The following VAV2 variants were observed in gnomAD, a reference collection of about 807,000 sequenced individuals.
The protein encoded by VAV2 is vav guanine nucleotide exchange factor 2, also known as guanine nucleotide exchange factor VAV2.
Under a neutral mutation model 132.5 loss-of-function variants are expected in VAV2, and 67 were observed. The ratio of observed to expected loss-of-function variants is 0.51; its 90% CI spans 0.42 to 0.62. The LOEUF is 0.62. Among genes scored for constraint, VAV2 ranks in the 20% least tolerant of loss-of-function variants. VAV2 has a pLI of 0.00. For missense variants in VAV2, 938 were observed against 1,153.6 expected (o/e 0.81, Z 2.71); for synonymous variants, 492 against 443.5 (o/e 1.11, Z -1.37).
chr9:133,988,229 A>T (rs1179451510), intron 1 of VAV2, among the ~76,000 whole-genome samples: 1 of 145,316 alleles, frequency 6.9e-6, no homozygotes, highest in Non-Finnish European at 1.5e-5. Flanking sequence ...ACAGGCACCC[A>T]CCCCCCACCC....
At chr9:133,983,973 T>C (rs1162840143) in intron 1 of VAV2, among the ~76,000 whole-genome samples, 1 of 152,106 alleles carries the variant, frequency 6.6e-6, no homozygotes, top group Non-Finnish European at 1.5e-5. Context: ...TTCTGTGAGT[T>C]TTTTGTTTTT....
chr9:133,841,349 A>T (rs953016531), intron 3 of VAV2, among the ~76,000 whole-genome samples: 7 of 151,716 alleles, frequency 4.6e-5, no homozygotes, highest in Non-Finnish European at 7.4e-5. Context: ...GGGCCTGGTG[A>T]CCCCATGTGG....
At chr9:133,886,248 G>A (rs1031465473) in intron 2 of VAV2, among the ~76,000 whole-genome samples, 2 of 152,216 alleles carry the variant, frequency 1.3e-5, no homozygotes, top group Non-Finnish European at 2.9e-5. Flanking sequence ...AATAGCACAT[G>A]AGGGGCTGGG....
intron 4 of VAV2, among the ~76,000 whole-genome samples, chr9:133,820,577 G>A (rs1314144902): frequency 7.2e-5 from 11 of 152,070 alleles, no homozygotes; most frequent in African/African-American, 2.7e-4. Context: ...CGCCCGCCTC[G>A]GCCTCCCAAA....
Position 133,834,285 on chromosome 9 carries a change from C to A in VAV2, c.436G>T (p.Glu146Ter). ...ENDDDVYRSL[E>*]ELADEHDLGE... ...CCCCCGCCTTACTCGGCCAGCTCCT[C>A]CAGGCTGCGGTAGACGTCATCGTCA... is the stretch of plus-strand genomic sequence containing the variant. Residue 146 changes from glutamate (E) to a stop codon, truncating the protein, a stop_gained, in exon 4 of 30, where the codon GAG becomes TAG. Coordinates refer to ENST00000371850, the MANE Select transcript of VAV2 (RefSeq NM_001134398.2). LOFTEE classifies it high-confidence loss of function. The surrounding 1 kb of genome is among the most constrained non-coding windows in gnomAD (Gnocchi z 5.9). 1 of 1,611,970 alleles carries A rather than the reference C, an allele frequency of 6.2e-7. No homozygotes were observed. The highest frequency in any genetic ancestry group is 8.5e-7 in the Non-Finnish European group (1 of 1,179,120).
At chr9:133,916,805 T>C (rs1840107874) in intron 2 of VAV2, among the ~76,000 whole-genome samples, 1 of 28,596 alleles carries the variant, frequency 3.5e-5, no homozygotes, top group Non-Finnish European at 1.6e-3. Context: ...ATGTTGGGAC[T>C]GTTTAGGTCA....
chr9:133,897,398 C>T (rs1040345692), intron 2 of VAV2, among the ~76,000 whole-genome samples: 4 of 152,170 alleles, frequency 2.6e-5, no homozygotes, highest in African/African-American at 9.7e-5. Flanking sequence ...TGCTCTGCCC[C>T]CCTGTAACCC....
Position 133,763,885 on chromosome 9 carries a change from A to T in VAV2, c.*177T>A. On this transcript the variant is annotated 3_prime_UTR_variant, in exon 30 of 30. Coordinates refer to ENST00000371850, the MANE Select transcript of VAV2 (RefSeq NM_001134398.2). The surrounding 1 kb of genome is among the most constrained non-coding windows in gnomAD (Gnocchi z 6.8). ...TACCCAGTGATGGGTCGCCGAGGGC[A>T]GGCTGACAGTGAAACGGTTCGAGTT... The T allele has an allele frequency of 1.4e-6, 1 of 731,758 alleles. No individual in the cohort carries two copies. The highest frequency in any genetic ancestry group is 2.3e-6 in the Non-Finnish European group (1 of 440,268). 45.3% of individuals were successfully genotyped at this position (731,758 alleles called of 1,614,324 possible). A position where few individuals can be genotyped will look rare whatever the true frequency, so the allele number is the denominator to read the frequency against.
At chr9:133,943,367 G>T (rs949784988) in intron 1 of VAV2, among the ~76,000 whole-genome samples, 1 of 152,206 alleles carries the variant, frequency 6.6e-6, no homozygotes, top group Non-Finnish European at 1.5e-5. Flanking sequence ...GGCAAAGGGA[G>T]GCCCAGATGG....
At chr9:133,983,699 A>G (rs7018770) in intron 1 of VAV2, among the ~76,000 whole-genome samples, 28,181 of 151,752 alleles carry the variant, frequency 0.19, 3,059 homozygotes, top group African/African-American at 0.3. Flanking sequence ...GGTCCTTCCT[A>G]CTGACCCCAG....
chr9:133,924,520 A>C (rs770233581), intron 2 of VAV2, among the ~76,000 whole-genome samples: 5 of 152,212 alleles, frequency 3.3e-5, no homozygotes, highest in Non-Finnish European at 5.9e-5. Context: ...TAACAATAGC[A>C]GTAATCACAA....
intron 4 of VAV2, among the ~76,000 whole-genome samples, chr9:133,818,340 T>C (rs1422375342): frequency 1.4e-5 from 2 of 138,776 alleles, no homozygotes; most frequent in Non-Finnish European, 3.1e-5. Flanking sequence ...CACTCCAGCC[T>C]GGGTGACAAA....
intron 1 of VAV2, among the ~76,000 whole-genome samples, chr9:133,940,484 C>T (rs1841098033): frequency 6.6e-6 from 1 of 152,130 alleles, no homozygotes. Flanking sequence ...CTGAGAACGC[C>T]CTGGGAGCGG....
intron 1 of VAV2, among the ~76,000 whole-genome samples, chr9:133,959,317 C>T (rs958328558): frequency 2.0e-5 from 3 of 152,170 alleles, no homozygotes; most frequent in Non-Finnish European, 4.4e-5. Flanking sequence ...AGGCCCTGCA[C>T]CCCGACCCAC....
intron 3 of VAV2, among the ~76,000 whole-genome samples, chr9:133,856,229 G>A (rs1044696301): frequency 6.6e-6 from 1 of 152,242 alleles, no homozygotes; most frequent in African/African-American, 2.4e-5. Context: ...ACAACATGGT[G>A]AAAGTACTAA....
At chr9:133,837,000 G>A (rs532718569) in intron 3 of VAV2, among the ~76,000 whole-genome samples, 8 of 152,320 alleles carry the variant, frequency 5.3e-5, no homozygotes, top group African/African-American at 1.2e-4. Flanking sequence ...AGCTGAGCCC[G>A]GGGCAGCGAA....
chr9:133,910,353 C>T (rs56325391), intron 2 of VAV2, among the ~76,000 whole-genome samples: 30,712 of 152,036 alleles, frequency 0.2, 3,528 homozygotes, highest in African/African-American at 0.29. Flanking sequence ...GTCAAGCCTA[C>T]TCTAACTGGC....
intron 2 of VAV2, among the ~76,000 whole-genome samples, chr9:133,893,584 A>C (rs1238920731): frequency 6.6e-6 from 1 of 152,242 alleles, no homozygotes; most frequent in South Asian, 2.1e-4. Context: ...GGCCAGCTCC[A>C]AAGGTCACCT....
chr9:133,940,684 T>TGC (rs1199570636), intron 1 of VAV2, among the ~76,000 whole-genome samples: 2 of 127,994 alleles, frequency 1.6e-5, no homozygotes, highest in Non-Finnish European at 3.5e-5. Flanking sequence ...TGTGTGTGTG[T>TGC]GTGTGTGTGT....
Sources: gnomAD v4.1 joint callset for allele counts (sites outside exome capture counted in the v4.1 genomes callset) on GRCh38, gnomAD v4.1.1 for gene constraint, Gnocchi (gnomAD v3.1) non-coding constraint, MANE v1.5 for transcripts, NCBI Gene and HGNC (gene_info 2026-07-23, HGNC 2026-07-21) for gene names.